Variants in ABI3BP observed in about 807,000 individuals in gnomAD.
ABI3BP encodes ABI family member 3 binding protein.
Under a neutral mutation model 268.6 loss-of-function variants are expected in ABI3BP, and 216 were observed. That is an observed-to-expected ratio of 0.80 (90% CI 0.72 to 0.90). The LOEUF (loss-of-function observed/expected upper bound fraction) is 0.90. Ranked by LOEUF, ABI3BP falls within the 40% of genes least tolerant of loss-of-function variation. The probability of loss-of-function intolerance (pLI) is 0.00; values close to 1 mark genes in which losing one functional copy is unlikely to be tolerated. For missense variants in ABI3BP, 2,090 were observed against 2,182.4 expected, an observed-to-expected ratio of 0.96 and a Z score of 0.84; for synonymous variants, 730 against 730.0, an observed-to-expected ratio of 1.00 and a Z score of 0.00.
chr3:100,842,061 T>C (rs768321433), intron 20 of ABI3BP, 22 bp from the exon 21 acceptor site: 34 of 1,526,638 alleles, frequency 2.2e-5, no homozygotes, highest in Middle Eastern at 1.7e-4. Context: ...GCAAGTAATA[T>C]CAAAAGCAAT....
At chr3:100,752,720 G>GTT in intron 66 of ABI3BP, 67 bp downstream of exon 66, 1 of 1,543,242 alleles carries the variant, frequency 6.5e-7, no homozygotes, top group Non-Finnish European at 8.7e-7. Context: ...AAAAGGCCAA[G>GTT]TTGTACAATG....
At chr3:100,941,392 A>G (rs1354895679) in intron 1 of ABI3BP, among the ~76,000 whole-genome samples, 3 of 152,118 alleles carry the variant, frequency 2.0e-5, no homozygotes, top group African/African-American at 7.2e-5. Context: ...CTAGGAGTCA[A>G]TTAGTGAGCT....
chr3:100,766,285 C>T (rs926129378), intron 62 of ABI3BP, among the ~76,000 whole-genome samples: 4 of 152,156 alleles, frequency 2.6e-5, no homozygotes, highest in Non-Finnish European at 4.4e-5. Context: ...GATAGTCTGC[C>T]GCTGCTGCAA....
At chr3:100,792,576 C>T (rs1412477017) in intron 55 of ABI3BP, 115 bp downstream of exon 55, 5 of 1,063,970 alleles carry the variant, frequency 4.7e-6, no homozygotes, top group Non-Finnish European at 5.6e-6. Flanking sequence ...TATAAAATGA[C>T]AAAAAAAGTC....
At chr3:100,912,401 T>C (rs1465789287) in intron 2 of ABI3BP, among the ~76,000 whole-genome samples, 1 of 151,658 alleles carries the variant, frequency 6.6e-6, no homozygotes, top group Non-Finnish European at 1.5e-5. Context: ...GTACCATTAA[T>C]TAGCAACTTG....
chr3:100,810,207 T>C (rs1194952726), intron 49 of ABI3BP, among the ~76,000 whole-genome samples: 1 of 152,042 alleles, frequency 6.6e-6, no homozygotes, highest in African/African-American at 2.4e-5. Flanking sequence ...GCAGAGTAGC[T>C]GAGAGGTATT....
At chr3:100,810,537 G>T in intron 48 of ABI3BP, 60 bp from the exon 49 acceptor site, 1 of 1,184,464 alleles carries the variant, frequency 8.4e-7, no homozygotes, top group Non-Finnish European at 1.2e-6. Context: ...CTTGAGTACA[G>T]ATAACAGACA....
chr3:100,754,611 C>G lies in ABI3BP; in HGVS notation c.4930+1G>C. ...TTGGGAATTACTGTTGATGTAATTA[C>G]CTGATTCAGTACTGAATGCCACTGT... On this transcript the variant is annotated splice_donor_variant, in intron 64 of 67. Transcript: ENST00000471714. LOFTEE classifies it high-confidence loss of function. 1 of 1,577,514 alleles carries G rather than the reference C, an allele frequency of 6.3e-7. No individual in the cohort carries two copies. The highest frequency in any genetic ancestry group is 1.3e-5 in the African/African-American group (1 of 74,356).
At chr3:100,795,033 A>C in intron 53 of ABI3BP, 30 bp from the exon 54 acceptor site, 2 of 1,364,828 alleles carry the variant, frequency 1.5e-6, no homozygotes, top group Non-Finnish European at 1.9e-6. Flanking sequence ...AAGGTTGTAA[A>C]TTTTTAGATT....
At chr3:100,932,356 A>T (rs887534991) in intron 1 of ABI3BP, among the ~76,000 whole-genome samples, 3 of 152,238 alleles carry the variant, frequency 2.0e-5, no homozygotes, top group Middle Eastern at 3.4e-3. Context: ...ACTTAATTAA[A>T]CTAAGGAGCT....
rs2097765557 is a variant in ABI3BP, at chr3:100,808,235, G to A, written c.3608C>T (p.Ala1203Val). 6.2e-7 allele frequency: 1 copy of A among 1,606,698 alleles called. No individual in the cohort carries two copies. Among genetic ancestry groups the A allele is most frequent in the South Asian group, 1.1e-5 (1 of 89,936 alleles). Residue 1203 changes from alanine (A) to valine (V), a missense_variant and splice_region_variant, in exon 50 of 68, where the codon GCT (alanine) becomes GTT (valine). Transcript: ENST00000471714. ...PSPDEPQTEP[A>V]PKQTPRAPPK... ...AGGAGCACGTGGTGTCTGCTTGGGA[G>A]CTAAAAGAAAGGATATAGGTTCGGA... is the stretch of plus-strand genomic sequence containing the variant.
At chr3:100,936,159 C>T (rs1485301111) in intron 1 of ABI3BP, among the ~76,000 whole-genome samples, 1 of 150,256 alleles carries the variant, frequency 6.7e-6, no homozygotes, top group Non-Finnish European at 1.5e-5. Flanking sequence ...CCATCAATGC[C>T]TAGTTTATTG....
chr3:100,943,452 C>T (rs2070501539), intron 1 of ABI3BP, among the ~76,000 whole-genome samples: 1 of 152,018 alleles, frequency 6.6e-6, no homozygotes, highest in Admixed American at 6.6e-5. Flanking sequence ...CTTAACTATA[C>T]ATTACTGTTT....
At chr3:100,755,459 A>G (rs2095566807) in intron 63 of ABI3BP, among the ~76,000 whole-genome samples, 1 of 152,170 alleles carries the variant, frequency 6.6e-6, no homozygotes, top group Non-Finnish European at 1.5e-5. Flanking sequence ...AGGCATGGTA[A>G]TGTTGCCTTA....
chr3:100,840,670 G>A (rs963430637), intron 22 of ABI3BP, 150 bp downstream of exon 22: 2 of 605,494 alleles, frequency 3.3e-6, no homozygotes, highest in Non-Finnish European at 2.7e-6. Flanking sequence ...TATACCTATA[G>A]GAATTAACTT....
chr3:100,799,746 A>G (rs1234867998), intron 51 of ABI3BP, among the ~76,000 whole-genome samples: 6 of 152,098 alleles, frequency 3.9e-5, no homozygotes, highest in Non-Finnish European at 5.9e-5. Context: ...CTGCCTAAAT[A>G]TTGGATTTCC....
At chr3:100,798,875 A>G (rs546908758) in intron 51 of ABI3BP, among the ~76,000 whole-genome samples, 1 of 152,160 alleles carries the variant, frequency 6.6e-6, no homozygotes, top group Non-Finnish European at 1.5e-5. Flanking sequence ...TATTCCTTTA[A>G]TCTATACTCT....
At chr3:100,855,080 C>T (rs1021858081) in intron 14 of ABI3BP, among the ~76,000 whole-genome samples, 2 of 152,122 alleles carry the variant, frequency 1.3e-5, no homozygotes, top group African/African-American at 4.8e-5. Context: ...ACATGTGCCA[C>T]CACACCTGGC....
intron 14 of ABI3BP, among the ~76,000 whole-genome samples, chr3:100,857,061 T>C (rs1285146190): frequency 6.6e-6 from 1 of 152,094 alleles, no homozygotes. Flanking sequence ...GCACAACCTC[T>C]GAGTAATACT....
Sources: allele counts gnomAD v4.1 joint callset (sites outside exome capture counted in the v4.1 genomes callset), GRCh38; gene constraint gnomAD v4.1.1; transcripts MANE v1.5; gene names NCBI Gene and HGNC (gene_info 2026-07-23, HGNC 2026-07-21).